The following OXCT1 variants were observed in gnomAD, a reference collection of about 807,000 sequenced individuals.
OXCT1 encodes the protein 3-oxoacid CoA-transferase 1, also known as succinyl-CoA:3-ketoacid coenzyme A transferase 1, mitochondrial.
Under a neutral mutation model 69.6 loss-of-function variants are expected in OXCT1, and 27 were observed. The observed-to-expected ratio is 0.39, with a 90% CI of 0.29 to 0.54. The LOEUF (loss-of-function observed/expected upper bound fraction) is 0.54, where lower values mean the gene tolerates loss of function less well. Among genes scored for constraint, OXCT1 ranks in the 20% least tolerant of loss-of-function variants. The pLI, the probability that OXCT1 is intolerant of heterozygous loss-of-function variation, is 0.72. For missense variants in OXCT1, 437 were observed against 650.2 expected (o/e 0.67, Z 3.57); for synonymous variants, 202 against 217.8 (o/e 0.93, Z 0.64).
chr5:41,738,043 A>C (rs1375515115), intron 16 of OXCT1, among the ~76,000 whole-genome samples: 1 of 152,216 alleles, frequency 6.6e-6, no homozygotes, highest in African/African-American at 2.4e-5. Flanking sequence ...CAACAGAACA[A>C]GACTCCGTCT....
intron 13 of OXCT1, among the ~76,000 whole-genome samples, chr5:41,785,709 G>C (rs1447586852): frequency 1.3e-5 from 2 of 152,130 alleles, no homozygotes; most frequent in Non-Finnish European, 2.9e-5. Flanking sequence ...AATTTACAAA[G>C]GAAATAGTCA....
At position 41,777,189 on chromosome 5, in the gene OXCT1, G is replaced by A. The variant is rs142969554; in HGVS notation, c.1249-14989C>T. Among the ~76,000 whole-genome samples, 520 of 152,264 alleles carry A rather than the reference G, an allele frequency of 3.4e-3. 1 individual carries two copies. Among genetic ancestry groups the A allele is most frequent in the African/African-American group, 0.012 (490 of 41,530 alleles). The stretch of plus-strand genomic sequence containing the variant: ...TCCCAGCACTTTGGGAGGGTGAGGT[G>A]GGTGGATCATGAGGTCAGGAGTTCG... On this transcript the variant is annotated intron_variant, in intron 13 of 16. Transcript: ENST00000196371.
chr5:41,856,417 A>G (rs1407690392), intron 3 of OXCT1, among the ~76,000 whole-genome samples: 1 of 152,180 alleles, frequency 6.6e-6, no homozygotes, highest in East Asian at 1.9e-4. Context: ...GGTGTTAAGT[A>G]TGTGACAAAC....
intron 14 of OXCT1, among the ~76,000 whole-genome samples, chr5:41,761,127 C>A (rs1254343982): frequency 6.6e-6 from 1 of 152,032 alleles, no homozygotes; most frequent in East Asian, 1.9e-4. Context: ...CATTCAATAT[C>A]AACTTTTAAA....
intron 7 of OXCT1, among the ~76,000 whole-genome samples, chr5:41,832,014 CCA>C (rs1056376407): frequency 2.0e-5 from 3 of 152,106 alleles, no homozygotes; most frequent in African/African-American, 7.2e-5. Context: ...AGCCATTTGT[CCA>C]CACCTCAGGA....
chr5:41,865,148 A>G lies in OXCT1; in HGVS notation c.79-2398T>C, dbSNP rs1749905209. Among the ~76,000 whole-genome samples the G allele has an allele frequency of 2.0e-5, 3 of 152,296 alleles. No homozygotes were observed. The South Asian group carries it at 6.2e-4, about 32-fold the overall frequency. ...TAAATGTACAATTAAGTTGCTATTGACTATAGTCACCCTATTGTGCTATCA... is the reference window on the plus strand; with the variant it reads ...TAAATGTACAATTAAGTTGCTATTGGCTATAGTCACCCTATTGTGCTATCA... On this transcript the variant is annotated intron_variant, in intron 1 of 16. Transcript: ENST00000196371.
intron 16 of OXCT1, among the ~76,000 whole-genome samples, chr5:41,737,121 G>A (rs1742923173): frequency 6.6e-6 from 1 of 152,204 alleles, no homozygotes; most frequent in Admixed American, 6.5e-5. Context: ...AGATGCCATT[G>A]ATCGTCAGAT....
At chr5:41,833,855 G>C (rs1191244986) in intron 7 of OXCT1, among the ~76,000 whole-genome samples, 1 of 152,120 alleles carries the variant, frequency 6.6e-6, no homozygotes, top group Non-Finnish European at 1.5e-5. Context: ...GAGGTCAGGA[G>C]TTCGAGACCA....
chr5:41,738,363 G>A (rs1276088577), intron 16 of OXCT1, among the ~76,000 whole-genome samples: 1 of 152,152 alleles, frequency 6.6e-6, no homozygotes, highest in Non-Finnish European at 1.5e-5. Context: ...CTGGTGGGAG[G>A]TAACTGAATC....
chr5:41,731,832 T>C, intron 16 of OXCT1, 62 bp from the exon 17 acceptor site: 1 of 1,552,700 alleles, frequency 6.4e-7, no homozygotes, highest in Non-Finnish European at 8.8e-7. Context: ...TCTCTCTCCT[T>C]TTAATTTCCA....
At chr5:41,851,116 T>G (rs1322201100) in intron 4 of OXCT1, among the ~76,000 whole-genome samples, 2 of 152,160 alleles carry the variant, frequency 1.3e-5, no homozygotes, top group Non-Finnish European at 2.9e-5. Flanking sequence ...GGCAACATAA[T>G]GAGATCTGCC....
chr5:41,760,339 A>T (rs1333236219), intron 14 of OXCT1, among the ~76,000 whole-genome samples: 1 of 152,134 alleles, frequency 6.6e-6, no homozygotes, highest in Non-Finnish European at 1.5e-5. Context: ...ACGGAAAAAT[A>T]CCTCATTCCA....
At chr5:41,810,877 C>A (rs1278738288) in intron 7 of OXCT1, among the ~76,000 whole-genome samples, 2 of 151,780 alleles carry the variant, frequency 1.3e-5, no homozygotes, top group African/African-American at 2.4e-5. Flanking sequence ...ATTATACACA[C>A]CTGCAAAACT....
rs189807541 is a variant in OXCT1 at position 41,832,022 on chromosome 5, C to T, written c.732+8429G>A. The stretch of plus-strand genomic sequence containing the variant: ...GAATTGAAGCCATTTGTCCACACCT[C>T]AGGAGCACCAAATTTTAACAACGAT... On this transcript the variant is annotated intron_variant, in intron 7 of 16. Transcript: ENST00000196371. Among the ~76,000 whole-genome samples the T allele has an allele frequency of 1.1e-4, 16 of 152,292 alleles. 1 individual carries two copies. The East Asian group carries it at 2.7e-3, about 26-fold the overall frequency.
intron 14 of OXCT1, among the ~76,000 whole-genome samples, chr5:41,754,365 T>C (rs920722315): frequency 6.6e-6 from 1 of 151,970 alleles, no homozygotes; most frequent in Non-Finnish European, 1.5e-5. Flanking sequence ...TAATGGGAAA[T>C]GCTGTATTAC....
At chr5:41,843,431 T>G (rs930239538) in intron 5 of OXCT1, 5 of 398,994 alleles carry the variant, frequency 1.3e-5, no homozygotes, top group South Asian at 7.3e-5. Flanking sequence ...TGGTTTCTCT[T>G]GCTACTGTGA....
intron 13 of OXCT1, among the ~76,000 whole-genome samples, chr5:41,789,796 A>T (rs1745826276): frequency 6.6e-6 from 1 of 152,208 alleles, no homozygotes; most frequent in African/African-American, 2.4e-5. Flanking sequence ...CTATGTCATA[A>T]TATATTTAAA....
chr5:41,851,760 A>C (rs1047480234), intron 4 of OXCT1, among the ~76,000 whole-genome samples: 2 of 152,232 alleles, frequency 1.3e-5, no homozygotes, highest in Non-Finnish European at 2.9e-5. Flanking sequence ...TTTCTGACGA[A>C]ATAAGGAGTA....
At chr5:41,867,454 G>A (rs988877558) in intron 1 of OXCT1, among the ~76,000 whole-genome samples, 1 of 152,210 alleles carries the variant, frequency 6.6e-6, no homozygotes. Context: ...GGAAGAAACA[G>A]TTGCTGAGAA....
Sources: gnomAD v4.1 joint callset for allele counts (sites outside exome capture counted in the v4.1 genomes callset) on GRCh38, gnomAD v4.1.1 for gene constraint, MANE v1.5 for transcripts, NCBI Gene and HGNC (gene_info 2026-07-23, HGNC 2026-07-21) for gene names.